Variants in DNAH12 observed in about 807,000 individuals in gnomAD.
The protein encoded by DNAH12 is dynein axonemal heavy chain 12, also known as axonemal beta dynein heavy chain 12.
DNAH12 carries 285 observed loss-of-function variants against 371.5 expected under a neutral mutation model. The observed-to-expected ratio is 0.77, with a 90% CI of 0.70 to 0.85. The LOEUF (loss-of-function observed/expected upper bound fraction) is 0.85, where lower values mean the gene tolerates loss of function less well. DNAH12 is among the 40% of genes least tolerant of loss of function. DNAH12 has a pLI of 0.00. For synonymous variants in DNAH12, 1,200 were observed against 1,213.0 expected (o/e 0.99, Z 0.22); for missense variants, 3,611 against 3,689.4 (o/e 0.98, Z 0.55).
At chr3:57,393,580 C>T (rs2063671419) in intron 44 of DNAH12, among the ~76,000 whole-genome samples, 1 of 126,842 alleles carries the variant, frequency 7.9e-6, no homozygotes, top group African/African-American at 3.1e-5. Flanking sequence ...GAGGCGAGAC[C>T]ACATCACTGC....
intron 57 of DNAH12, among the ~76,000 whole-genome samples, chr3:57,364,216 T>C (rs992213132): frequency 0.057 from 8,606 of 152,240 alleles, 357 homozygotes; most frequent in Non-Finnish European, 0.092. Flanking sequence ...TTGGCACTTG[T>C]GTCAAAACAT....
rs1350554759 is a variant in DNAH12, at chr3:57,461,525, G to C, written c.2700C>G (p.Gly900=). The C allele has an allele frequency of 2.6e-6, 4 of 1,551,172 alleles. No individual in the cohort carries two copies. Among genetic ancestry groups the C allele is most frequent in the Non-Finnish European group, 3.5e-6 (4 of 1,146,836 alleles). ...DQIIKTQTMR[G]SPFIKPFEHE... ...GTTCAAATGGTTTGATGAAAGGTGAGCCTCTCATTGTCTGAGTTTTTATAA... is the reference window on the plus strand; with the variant it reads ...GTTCAAATGGTTTGATGAAAGGTGACCCTCTCATTGTCTGAGTTTTTATAA... Residue 900 remains glycine, a synonymous_variant, in exon 19 of 74, where the codon GGC becomes GGG. Transcript: ENST00000495027.
chr3:57,491,081 C>CAAAAAAAAAAAAAAAAAA, intron 11 of DNAH12, among the ~76,000 whole-genome samples: 1 of 70,394 alleles, frequency 1.4e-5, no homozygotes, highest in African/African-American at 5.3e-5. Context: ...GACTCTATCT[C>CAAAAAAAAAAAAAAAAAA]AAAAAAAAAA....
At chr3:57,354,551 A>AG (rs36150823) in intron 59 of DNAH12, among the ~76,000 whole-genome samples, 85,477 of 139,248 alleles carry the variant, frequency 0.61, 26,364 homozygotes, top group Non-Finnish European at 0.71. Flanking sequence ...AAAAAAAAAG[A>AG]AAAAAAAAAA....
intron 62 of DNAH12, among the ~76,000 whole-genome samples, chr3:57,332,919 G>C (rs2062133503): frequency 1.3e-5 from 2 of 152,120 alleles, no homozygotes; most frequent in South Asian, 4.1e-4. Flanking sequence ...ATAATGCATT[G>C]AATAAAGGCT....
At chr3:57,453,183 C>A (rs2065806827) in intron 24 of DNAH12, 64 bp downstream of exon 24, 1 of 1,488,424 alleles carries the variant, frequency 6.7e-7, no homozygotes, top group Non-Finnish European at 8.9e-7. Flanking sequence ...ACATATAGTA[C>A]AAGTCTTTGT....
intron 70 of DNAH12, among the ~76,000 whole-genome samples, chr3:57,299,388 A>G (rs1482592455): frequency 6.6e-6 from 1 of 152,202 alleles, no homozygotes; most frequent in Non-Finnish European, 1.5e-5. Flanking sequence ...GTCATTTTAC[A>G]GATGAAGAAA....
chr3:57,372,413 T>C (rs1199403883), intron 55 of DNAH12, among the ~76,000 whole-genome samples: 1 of 151,942 alleles, frequency 6.6e-6, no homozygotes, highest in Non-Finnish European at 1.5e-5. Flanking sequence ...AATTAAGAGT[T>C]CCCAAAATGG....
chr3:57,449,986 A>G (rs6805190), intron 25 of DNAH12, among the ~76,000 whole-genome samples: 105,120 of 152,118 alleles, frequency 0.69, 36,532 homozygotes, highest in South Asian at 0.8. Context: ...AGTGGCTCAC[A>G]CCCGTAATCC....
At chr3:57,521,848 C>T (rs1486397281) in intron 4 of DNAH12, among the ~76,000 whole-genome samples, 1 of 152,126 alleles carries the variant, frequency 6.6e-6, no homozygotes, top group East Asian at 1.9e-4. Flanking sequence ...GATCGCACCA[C>T]TGCACGCCAG....
intron 45 of DNAH12, among the ~76,000 whole-genome samples, chr3:57,390,027 G>C (rs993341083): frequency 1.7e-4 from 25 of 148,788 alleles, no homozygotes; most frequent in African/African-American, 5.9e-4. Context: ...GTAGAGATGG[G>C]GTTTCACCAT....
the DNAH12 span, among the ~76,000 whole-genome samples, chr3:57,553,439 T>C: frequency 6.6e-6 from 1 of 152,118 alleles, no homozygotes; most frequent in African/African-American, 2.4e-5. Context: ...GTGAAGATGA[T>C]GGTGGAGGTT....
At chr3:57,295,500 T>C in intron 73 of DNAH12, 25 bp downstream of exon 73, 1 of 1,541,862 alleles carries the variant, frequency 6.5e-7, no homozygotes, top group Non-Finnish European at 8.8e-7. Flanking sequence ...AAACTTCAAA[T>C]AAATTTTGTT....
At chr3:57,477,185 G>A (rs1396284843) in intron 13 of DNAH12, among the ~76,000 whole-genome samples, 1 of 152,182 alleles carries the variant, frequency 6.6e-6, no homozygotes, top group Non-Finnish European at 1.5e-5. Context: ...TCAAAGAAAG[G>A]GGTAACAGAC....
chr3:57,525,313 C>T (rs1291411890), intron 2 of DNAH12, among the ~76,000 whole-genome samples: 1 of 152,080 alleles, frequency 6.6e-6, no homozygotes. Flanking sequence ...TGTAGGAGCT[C>T]AATAAGCATC....
At chr3:57,314,267 T>C (rs1428329846) in intron 66 of DNAH12, among the ~76,000 whole-genome samples, 1 of 152,150 alleles carries the variant, frequency 6.6e-6, no homozygotes, top group Admixed American at 6.5e-5. Context: ...ACCTCTTTAT[T>C]ATGTGAGTAA....
In DNAH12 at chr3:57,457,884, G is replaced by C; in HGVS notation, c.3173C>G (p.Pro1058Arg). The stretch of plus-strand genomic sequence containing the variant: ...ATACATGGCTTTAATGTCCAAATTG[G>C]GAAGGAACTCTAATTTAGCAATGCC... The part of the protein sequence containing the change: ...FEGIAKLEFL[P>R]NLDIKAMYSS... Residue 1058 changes from proline (P) to arginine (R), a missense_variant, in exon 22 of 74, where the codon CCC becomes CGC. This residue lies in a region of DNAH12 where 1,314 missense variants were observed against 1,398.7 expected (regional missense o/e 0.94). Coordinates refer to ENST00000495027, the MANE Select transcript of DNAH12 (RefSeq NM_001366028.2). 6.4e-7 allele frequency: 1 copy of C among 1,551,506 alleles called. No homozygotes were observed. The highest frequency in any genetic ancestry group is 8.7e-7 in the Non-Finnish European group (1 of 1,146,966).
Position 57,334,926 on chromosome 3 carries a change from A to T in DNAH12, c.9689T>A (p.Ile3230Asn), listed in dbSNP as rs762433127. 6.5e-7 allele frequency: 1 copy of T among 1,548,488 alleles called. No individual in the cohort carries two copies. Residue 3230 changes from isoleucine (I) to asparagine (N), a missense_variant, in exon 61 of 74, where the codon ATT becomes AAT. Physicochemically the swap from Ile to Asn is moderately radical, Grantham distance 149. Around this residue, in one of 3 missense-constraint regions of DNAH12, gnomAD observed 2,266 missense variants for 2,236.9 expected, o/e 1.01. Transcript: ENST00000495027. The stretch of plus-strand genomic sequence containing the variant: ...AAGAAACATCAGTTCCTGGTATTCA[A>T]TCTCTTTCCTTGCCCTGTATTCCCA... ...CANLLLARKE[I>N]EYQELMFLLT...
Position 57,446,338 on chromosome 3 carries a change from C to T in DNAH12, c.3940-68G>A, listed in dbSNP as rs1388306189. ...GGATATCATCTCTTAAAACAAATAC[C>T]TAATATTTTAAGTCAGAATTGAAAG... is the stretch of plus-strand genomic sequence containing the variant. On this transcript the variant is annotated intron_variant, in intron 26 of 73. Coordinates refer to ENST00000495027, the MANE Select transcript of DNAH12 (RefSeq NM_001366028.2). 8.1e-6 allele frequency: 12 copies of T among 1,473,508 alleles called. No individual in the cohort carries two copies. In the East Asian group the frequency reaches 2.5e-4, roughly 30 times the overall value. 91.3% of individuals were successfully genotyped at this position (1,473,508 alleles called of 1,614,324 possible). A position where few individuals can be genotyped will look rare whatever the true frequency, so the allele number is the denominator to read the frequency against.
Sources: allele counts gnomAD v4.1 joint callset (sites outside exome capture counted in the v4.1 genomes callset), GRCh38; gene constraint gnomAD v4.1.1; regional missense constraint gnomAD v4.1.1; transcripts MANE v1.5; gene names NCBI Gene and HGNC (gene_info 2026-07-23, HGNC 2026-07-21).